Variants in ANKRD45 observed in about 807,000 individuals in gnomAD.
ANKRD45 encodes ankyrin repeat domain-containing protein 45.
In ANKRD45, 21 loss-of-function variants were observed where a neutral mutation model predicts 28.1. That is an observed-to-expected ratio of 0.75 (90% CI 0.53 to 1.08). The LOEUF is 1.08. ANKRD45 is among the 50% of genes least tolerant of loss of function. The probability of loss-of-function intolerance (pLI) is 0.00; values close to 1 mark genes in which losing one functional copy is unlikely to be tolerated. For missense variants in ANKRD45, 261 were observed against 308.7 expected (o/e 0.85, Z 1.16); for synonymous variants, 86 against 103.9 (o/e 0.83, Z 1.05).
intron 2 of ANKRD45, among the ~76,000 whole-genome samples, chr1:173,651,474 C>T (rs1466143193): frequency 2.6e-5 from 4 of 152,164 alleles, no homozygotes; most frequent in Non-Finnish European, 4.4e-5. Context: ...GTACCAGTAC[C>T]ATGCTGTTTT....
intron 5 of ANKRD45, among the ~76,000 whole-genome samples, chr1:173,614,047 T>C (rs1410651187): frequency 5.3e-5 from 8 of 152,122 alleles, no homozygotes; most frequent in Non-Finnish European, 1.2e-4. Flanking sequence ...AGATGTGCTT[T>C]GTTAAACAGA....
intron 1 of ANKRD45, among the ~76,000 whole-genome samples, chr1:173,668,699 C>G (rs936498988): frequency 6.6e-6 from 1 of 152,200 alleles, no homozygotes; most frequent in African/African-American, 2.4e-5. Flanking sequence ...CATTTAGATT[C>G]TTTCCTAATA....
At chr1:173,615,412 CA>C (rs1667421530) in intron 5 of ANKRD45, among the ~76,000 whole-genome samples, 1 of 149,900 alleles carries the variant, frequency 6.7e-6, no homozygotes, top group East Asian at 2.0e-4. Context: ...AAATGCCCCC[CA>C]AGTGTAGTGC....
At chr1:173,705,372 A>G in the ANKRD45 span, among the ~76,000 whole-genome samples, 9 of 151,516 alleles carry the variant, frequency 5.9e-5, 1 homozygote, top group South Asian at 1.9e-3. Flanking sequence ...TTATTTAAAT[A>G]AAAATAGACG....
chr1:173,695,903 G>A, the ANKRD45 span, among the ~76,000 whole-genome samples: 7 of 152,218 alleles, frequency 4.6e-5, no homozygotes, highest in East Asian at 1.9e-4. Context: ...TAGCCAGACC[G>A]GTTATCTGCT....
At chr1:173,642,521 T>C (rs1668746970) in intron 3 of ANKRD45, among the ~76,000 whole-genome samples, 1 of 152,214 alleles carries the variant, frequency 6.6e-6, no homozygotes, top group African/African-American at 2.4e-5. Context: ...GAATAGATAG[T>C]AACCTCTCTT....
chr1:173,636,781 C>CTA, intron 3 of ANKRD45: 1 of 1,356,302 alleles, frequency 7.4e-7, no homozygotes, highest in Non-Finnish European at 1.0e-6. Flanking sequence ...GTATTGAACT[C>CTA]TACTGTTTTA....
At chr1:173,661,400 T>C (rs1445576041) in intron 1 of ANKRD45, among the ~76,000 whole-genome samples, 3 of 152,228 alleles carry the variant, frequency 2.0e-5, no homozygotes, top group Non-Finnish European at 4.4e-5. Flanking sequence ...ATGAGCATGT[T>C]GGCCAATTTG....
intron 5 of ANKRD45, among the ~76,000 whole-genome samples, chr1:173,621,817 C>T (rs1667718657): frequency 6.6e-6 from 1 of 152,100 alleles, no homozygotes; most frequent in African/African-American, 2.4e-5. Flanking sequence ...GGAAATCAGG[C>T]AAGATAAACA....
At chr1:173,655,909 C>T (rs1669484833) in intron 2 of ANKRD45, among the ~76,000 whole-genome samples, 1 of 152,224 alleles carries the variant, frequency 6.6e-6, no homozygotes. Flanking sequence ...ACCCGCCAAG[C>T]CAGGCACGGG....
chr1:173,672,725 G>A (rs2102409126), upstream of ANKRD45, among the ~76,000 whole-genome samples: 1 of 152,264 alleles, frequency 6.6e-6, no homozygotes, highest in East Asian at 1.9e-4. Flanking sequence ...GAAACAGACA[G>A]GAGATTCATG....
chr1:173,711,961 C>T, the ANKRD45 span, among the ~76,000 whole-genome samples: 66 of 152,236 alleles, frequency 4.3e-4, no homozygotes, highest in African/African-American at 1.5e-3. Flanking sequence ...TAAAATCAGT[C>T]TTTGGTTAGC....
the ANKRD45 span, among the ~76,000 whole-genome samples, chr1:173,696,611 T>C: frequency 6.6e-6 from 1 of 152,172 alleles, no homozygotes. Flanking sequence ...CTGGGTTCTC[T>C]ATTCTGTTCC....
chr1:173,696,004 C>T, the ANKRD45 span, among the ~76,000 whole-genome samples: 2 of 152,128 alleles, frequency 1.3e-5, no homozygotes, highest in African/African-American at 4.8e-5. Context: ...GTACTCTGCC[C>T]CCATTTGCCT....
chr1:173,611,933 A>T (rs1219678171), intron 5 of ANKRD45, among the ~76,000 whole-genome samples: 1 of 152,206 alleles, frequency 6.6e-6, no homozygotes, highest in Non-Finnish European at 1.5e-5. Context: ...ACTAAAAAAT[A>T]AAAAGACAAT....
At chr1:173,648,612 A>G (rs1035808698) in intron 2 of ANKRD45, among the ~76,000 whole-genome samples, 1 of 152,176 alleles carries the variant, frequency 6.6e-6, no homozygotes, top group African/African-American at 2.4e-5. Flanking sequence ...TCCCCTCTCT[A>G]AATAAGGTTT....
the ANKRD45 span, among the ~76,000 whole-genome samples, chr1:173,704,880 C>G: frequency 6.6e-6 from 1 of 152,180 alleles, no homozygotes; most frequent in Non-Finnish European, 1.5e-5. Flanking sequence ...AGAAGCAGGG[C>G]AGAGGGAGAA....
chr1:173,663,146 C>A (rs576222459), intron 1 of ANKRD45, among the ~76,000 whole-genome samples: 1 of 151,506 alleles, frequency 6.6e-6, no homozygotes, highest in African/African-American at 2.4e-5. Context: ...AAAGATATAG[C>A]TAACTTCCCA....
chr1:173,641,417 T>G (rs1668694480), intron 3 of ANKRD45, among the ~76,000 whole-genome samples: 1 of 152,168 alleles, frequency 6.6e-6, no homozygotes, highest in Admixed American at 6.6e-5. Context: ...TTCAACACAC[T>G]GAGGGTCAGG....
Sources: allele counts gnomAD v4.1 joint callset (sites outside exome capture counted in the v4.1 genomes callset), GRCh38; gene constraint gnomAD v4.1.1; transcripts MANE v1.5; gene names NCBI Gene and HGNC (gene_info 2026-07-23, HGNC 2026-07-21).